RAB11FIP4: variants seen among roughly 807,000 people sequenced by gnomAD.
RAB11FIP4 encodes rab11 family-interacting protein 4.
RAB11FIP4 carries 23 observed loss-of-function variants against 74.3 expected under a neutral mutation model. The ratio of observed to expected loss-of-function variants is 0.31; its 90% CI spans 0.22 to 0.44. The LOEUF (loss-of-function observed/expected upper bound fraction) is 0.44. Among genes scored for constraint, RAB11FIP4 ranks in the 20% least tolerant of loss-of-function variants. The pLI is 1.00. For missense variants in RAB11FIP4, 630 were observed against 863.9 expected (o/e 0.73, Z 3.39); for synonymous variants, 360 against 359.9 (o/e 1.00, Z 0.00).
At chr17:31,401,727 TAGAC>T in intron 1 of RAB11FIP4, among the ~76,000 whole-genome samples, 1 of 152,284 alleles carries the variant, frequency 6.6e-6, no homozygotes, top group African/African-American at 2.4e-5. Flanking sequence ...CTGGACAGGA[TAGAC>T]AGAGGATTGA....
intron 3 of RAB11FIP4, among the ~76,000 whole-genome samples, chr17:31,458,332 C>T (rs2071600253): frequency 6.6e-6 from 1 of 152,224 alleles, no homozygotes; most frequent in Admixed American, 6.5e-5. Context: ...GGAGCATCTG[C>T]AGTGCTGCAG....
Position 31,528,448 on chromosome 17 carries a change from C to T in RAB11FIP4, c.1399C>T (p.Arg467Trp), listed in dbSNP as rs2072807294. Reference sequence around the variant, plus strand: ...TGACCGTCTGGAGGACACCAGCCTGCGGCTCAAAGATGAGATGGACCTGTA... The same window carrying T: ...TGACCGTCTGGAGGACACCAGCCTGTGGCTCAAAGATGAGATGGACCTGTA... ...MSDRLEDTSL[R>W]LKDEMDLYKR... Residue 467 changes from arginine to tryptophan, a missense_variant, in exon 12 of 15, where the codon CGG becomes TGG. Coordinates refer to ENST00000621161, the MANE Select transcript of RAB11FIP4 (RefSeq NM_032932.6). The T allele has an allele frequency of 5.6e-6, 9 of 1,613,292 alleles. No individual in the cohort carries two copies. The highest frequency in any genetic ancestry group is 2.2e-5 in the East Asian group (1 of 44,898).
At chr17:31,410,413 T>C (rs2071082395) in intron 1 of RAB11FIP4, among the ~76,000 whole-genome samples, 1 of 152,070 alleles carries the variant, frequency 6.6e-6, no homozygotes, top group Non-Finnish European at 1.5e-5. Flanking sequence ...TATTGCATAG[T>C]AGAAAATAGT....
At chr17:31,415,804 G>T (rs735054) in intron 1 of RAB11FIP4, among the ~76,000 whole-genome samples, 82,533 of 151,846 alleles carry the variant, frequency 0.54, 26,701 homozygotes, top group Non-Finnish European at 0.71. Flanking sequence ...TCTCACCTCA[G>T]CCCCCCTGCG....
intron 1 of RAB11FIP4, among the ~76,000 whole-genome samples, chr17:31,401,095 C>T (rs190411354): frequency 3.3e-5 from 5 of 152,226 alleles, no homozygotes; most frequent in East Asian, 1.9e-4. Context: ...GGTGAAACCC[C>T]GTCTCTACTA....
At chr17:31,420,470 C>T (rs757132807) in intron 1 of RAB11FIP4, among the ~76,000 whole-genome samples, 1 of 151,788 alleles carries the variant, frequency 6.6e-6, no homozygotes, top group Non-Finnish European at 1.5e-5. Context: ...TGGTCTCAAG[C>T]GATCCTCCCA....
intron 1 of RAB11FIP4, among the ~76,000 whole-genome samples, chr17:31,413,510 G>A (rs2071118924): frequency 7.5e-6 from 1 of 132,716 alleles, no homozygotes; most frequent in Admixed American, 9.5e-5. Context: ...ACTGAGAACA[G>A]CTGGTGGTTC....
intron 1 of RAB11FIP4, 122 bp downstream of exon 1, chr17:31,392,133 C>T (rs2070879408): frequency 2.6e-6 from 2 of 762,836 alleles, no homozygotes; most frequent in Non-Finnish European, 3.5e-6. Context: ...CCAATCCCCT[C>T]CCTCCGCCGG....
At chr17:31,502,831 GC>G (rs1205311802) in intron 3 of RAB11FIP4, among the ~76,000 whole-genome samples, 2 of 152,124 alleles carry the variant, frequency 1.3e-5, no homozygotes, top group Non-Finnish European at 1.5e-5. Context: ...CTGAAGTCTA[GC>G]ATCAAGGTGT....
intron 2 of RAB11FIP4, 27 bp downstream of exon 2, chr17:31,431,927 A>G (rs745661139): frequency 4.5e-6 from 7 of 1,548,594 alleles, no homozygotes; most frequent in Middle Eastern, 1.7e-4. Context: ...AGGCTTTCCC[A>G]GGCGCTCTCC....
rs1039634644 is a variant in RAB11FIP4, at chr17:31,450,265, T to C, written c.336+16143T>C. ...TCAGATCGTCCTTTTAGCTCAAGCC[T>C]TCCTCCTACCTCTCAGGCTGCTTTT... On this transcript the variant is annotated intron_variant, in intron 3 of 14. Transcript: ENST00000621161. 3.3e-5 allele frequency among the ~76,000 whole-genome samples: 5 copies of C among 151,794 alleles called. No homozygotes were observed. The East Asian group carries it at 9.7e-4, about 29-fold the overall frequency.
At chr17:31,490,399 A>G (rs2071985678) in intron 3 of RAB11FIP4, among the ~76,000 whole-genome samples, 1 of 152,006 alleles carries the variant, frequency 6.6e-6, no homozygotes, top group Non-Finnish European at 1.5e-5. Context: ...TTCACTTTAT[A>G]TGTTTTAGGT....
intron 3 of RAB11FIP4, among the ~76,000 whole-genome samples, chr17:31,459,865 T>G (rs1272078704): frequency 6.6e-6 from 1 of 151,564 alleles, no homozygotes; most frequent in Non-Finnish European, 1.5e-5. Context: ...GACACAGGGG[T>G]GGCTGGGACT....
chr17:31,421,999 G>A (rs1047286698), intron 1 of RAB11FIP4, among the ~76,000 whole-genome samples: 1 of 152,094 alleles, frequency 6.6e-6, no homozygotes, highest in African/African-American at 2.4e-5. Flanking sequence ...GGGCAACATA[G>A]TGAGACCCCC....
intron 1 of RAB11FIP4, among the ~76,000 whole-genome samples, chr17:31,412,215 C>T (rs2071104354): frequency 6.6e-6 from 1 of 152,206 alleles, no homozygotes; most frequent in Admixed American, 6.5e-5. Context: ...TCCTCTCACA[C>T]AGATGCCGGT....
intron 1 of RAB11FIP4, among the ~76,000 whole-genome samples, chr17:31,423,565 C>T (rs56738420): frequency 0.086 from 13,035 of 152,130 alleles, 936 homozygotes; most frequent in East Asian, 0.31. Context: ...GTTAGGTTGA[C>T]GCCTCAGATC....
At chr17:31,421,853 G>A (rs1471687393) in intron 1 of RAB11FIP4, among the ~76,000 whole-genome samples, 3 of 151,908 alleles carry the variant, frequency 2.0e-5, no homozygotes, top group East Asian at 3.9e-4. Context: ...GAGCCACCAC[G>A]CCCGGCAAGA....
At chr17:31,473,498 G>A (rs529364099) in intron 3 of RAB11FIP4, among the ~76,000 whole-genome samples, 4 of 152,278 alleles carry the variant, frequency 2.6e-5, no homozygotes, top group South Asian at 2.1e-4. Flanking sequence ...CTGAGATCAC[G>A]CCACTGCGCT....
chr17:31,445,547 TATATATATATATATATATATATATATA>T (rs2071445832), intron 3 of RAB11FIP4, among the ~76,000 whole-genome samples: 1 of 9,192 alleles, frequency 1.1e-4, no homozygotes, highest in African/African-American at 3.3e-4. Context: ...TATATATATA[TATATATATATATATATATATATATATA>T]TATATTTTTT....
Sources: gnomAD v4.1 joint callset for allele counts (sites outside exome capture counted in the v4.1 genomes callset) on GRCh38, gnomAD v4.1.1 for gene constraint, MANE v1.5 for transcripts, NCBI Gene and HGNC (gene_info 2026-07-23, HGNC 2026-07-21) for gene names.